SLC33A1: variants seen among roughly 807,000 people sequenced by gnomAD.
SLC33A1 encodes acetyl-coenzyme A transporter 1.
SLC33A1 carries 20 observed loss-of-function variants against 50.0 expected under a neutral mutation model. The observed-to-expected ratio is 0.40, with a 90% CI of 0.28 to 0.58. SLC33A1 has a LOEUF of 0.58. SLC33A1 is among the 20% of genes least tolerant of loss of function. The pLI, the probability that SLC33A1 is intolerant of heterozygous loss-of-function variation, is 0.44. For missense variants in SLC33A1, 476 were observed against 657.0 expected (o/e 0.72, Z 3.01); for synonymous variants, 265 against 251.8 (o/e 1.05, Z -0.50).
At position 155,822,425 on chromosome 3, in the gene SLC33A1, T is replaced by C. The variant is rs1031317210; in HGVS notation, c.*5785A>G. The C allele has an allele frequency of 4.0e-5, 6 of 151,584 alleles. No individual in the cohort carries two copies. The highest frequency in any genetic ancestry group is 2.1e-4 in the South Asian group (1 of 4,800). 9.4% of individuals were successfully genotyped at this position (151,584 alleles called of 1,614,324 possible). A position where few individuals can be genotyped will look rare whatever the true frequency, so the allele number is the denominator to read the frequency against. On this transcript the variant is annotated 3_prime_UTR_variant, in exon 6 of 6. Coordinates refer to ENST00000643144, the MANE Select transcript of SLC33A1 (RefSeq NM_004733.4). The stretch of plus-strand genomic sequence containing the variant: ...ACATGGTGAAACCCCGTCTATACTA[T>C]ACAAAAAAATTAGCCAGGTGTGGTG...
chr3:155,830,113 C>T (rs527818622), intron 4 of SLC33A1, among the ~76,000 whole-genome samples: 1 of 151,820 alleles, frequency 6.6e-6, no homozygotes, highest in South Asian at 2.1e-4. Flanking sequence ...CCTGTAATTC[C>T]AGCACTTTGG....
chr3:155,853,985 T>C lies in SLC33A1; in HGVS notation c.13A>G (p.Ile5Val), dbSNP rs758010991. 6.5e-6 allele frequency: 10 copies of C among 1,545,026 alleles called. No homozygotes were observed. The African/African-American group carries it at 1.1e-4, about 17-fold the overall frequency. MSPT[I>V]SHKDSSRQRR... ...TGCCGGCTGCTGTCCTTGTGGGAGA[T>C]GGTGGGTGACATATCAGAGACGATG... Residue 5 changes from isoleucine (I) to valine (V), a missense_variant, in exon 1 of 6, where the codon ATC (isoleucine) becomes GTC (valine). Coordinates refer to ENST00000643144, the MANE Select transcript of SLC33A1 (RefSeq NM_004733.4).
At chr3:155,841,238 T>A (rs1752922388) in intron 2 of SLC33A1, among the ~76,000 whole-genome samples, 1 of 152,034 alleles carries the variant, frequency 6.6e-6, no homozygotes, top group African/African-American at 2.4e-5. Flanking sequence ...GATAGTTTTT[T>A]TATTTTTTGT....
At position 155,829,879 on chromosome 3, in the gene SLC33A1, A is replaced by C; in HGVS notation, c.1291T>G (p.Ser431Ala). 6.2e-7 allele frequency: 1 copy of C among 1,611,996 alleles called. No individual in the cohort carries two copies. Among genetic ancestry groups the C allele is most frequent in the Non-Finnish European group, 8.5e-7 (1 of 1,178,058 alleles). Residue 431 changes from serine (S) to alanine (A), a missense_variant, in exon 5 of 6, where the codon TCT (serine) becomes GCT (alanine). Coordinates refer to ENST00000643144, the MANE Select transcript of SLC33A1 (RefSeq NM_004733.4). ...ACCTTTGCATTGAAAGCCATTATAG[A>C]AACATACATGCTGTACACTGTAACC... ...HQVTVYSMYV[S>A]IMAFNAKVSD... is the part of the protein sequence containing the mutation.
intron 2 of SLC33A1, among the ~76,000 whole-genome samples, chr3:155,837,162 C>G (rs1158859816): frequency 2.0e-5 from 3 of 151,788 alleles, no homozygotes; most frequent in Non-Finnish European, 4.4e-5. Flanking sequence ...AGATCGAGAC[C>G]ATCCTGGCTA....
intron 4 of SLC33A1, among the ~76,000 whole-genome samples, chr3:155,831,184 C>T (rs890978273): frequency 3.3e-5 from 5 of 151,950 alleles, no homozygotes; most frequent in South Asian, 2.1e-4. Flanking sequence ...AAGCTGGGTG[C>T]GGTGGCTCAC....
chr3:155,826,591 T>A lies in SLC33A1; in HGVS notation c.*1619A>T, dbSNP rs10513483. ...TCTAATACATGATAATGGACAACCA[T>A]GTGACAAAGTACTGTAGTGTATGGT... On this transcript the variant is annotated 3_prime_UTR_variant, in exon 6 of 6. Transcript: ENST00000643144. The A allele has an allele frequency of 6.6e-6, 1 of 151,932 alleles. No individual in the cohort carries two copies. Among genetic ancestry groups the A allele is most frequent in the Non-Finnish European group, 1.5e-5 (1 of 67,984 alleles). The allele number at this position is 151,932 out of a possible 1,614,324, so 9.4% of individuals were successfully genotyped here. A position where few individuals can be genotyped will look rare whatever the true frequency, so the allele number is the denominator to read the frequency against.
intron 2 of SLC33A1, among the ~76,000 whole-genome samples, chr3:155,835,681 A>G (rs1752624627): frequency 6.6e-6 from 1 of 152,110 alleles, no homozygotes; most frequent in South Asian, 2.1e-4. Context: ...GGCTGCCAGA[A>G]ATTCATGCCC....
chr3:155,828,208 T>C lies in SLC33A1; in HGVS notation c.*2A>G, dbSNP rs781303054. The C allele has an allele frequency of 2.5e-6, 4 of 1,605,244 alleles. No individual in the cohort carries two copies. The highest frequency in any genetic ancestry group is 1.1e-5 in the South Asian group (1 of 90,912). On this transcript the variant is annotated 3_prime_UTR_variant, in exon 6 of 6. Transcript: ENST00000643144. The stretch of plus-strand genomic sequence containing the variant: ...TTGCTAGAATGTCCAGTAGCATATA[T>C]ATTAATTGTTCCTTTTGCATTTCCA...
chr3:155,849,836 AG>A (rs1474761688), intron 1 of SLC33A1, among the ~76,000 whole-genome samples: 1 of 150,278 alleles, frequency 6.7e-6, no homozygotes, highest in Non-Finnish European at 1.5e-5. Flanking sequence ...TGAGCCCTGG[AG>A]GGGGAAGTTG....
chr3:155,831,177 C>A (rs979573040), intron 4 of SLC33A1, among the ~76,000 whole-genome samples: 2 of 152,078 alleles, frequency 1.3e-5, no homozygotes, highest in Non-Finnish European at 2.9e-5. Flanking sequence ...GTTGAAGAAG[C>A]TGGGTGCGGT....
chr3:155,826,514 C>G lies in SLC33A1; in HGVS notation c.*1696G>C, dbSNP rs145156511. Reference sequence around the variant, plus strand: ...AAAAATTAAAAATCAAAACACATTTCATATGTAAGAGTTAAGTGGTTTTTT... The same window carrying G: ...AAAAATTAAAAATCAAAACACATTTGATATGTAAGAGTTAAGTGGTTTTTT... On this transcript the variant is annotated 3_prime_UTR_variant, in exon 6 of 6. Transcript: ENST00000643144. The G allele has an allele frequency of 3.3e-5, 5 of 151,918 alleles. No homozygotes were observed. 9.4% of individuals were successfully genotyped at this position (151,918 alleles called of 1,614,324 possible).
chr3:155,831,199 A>G (rs1752415703), intron 4 of SLC33A1, among the ~76,000 whole-genome samples: 1 of 151,980 alleles, frequency 6.6e-6, no homozygotes, highest in Non-Finnish European at 1.5e-5. Flanking sequence ...GCTCACACCT[A>G]TAATCCCAGC....
intron 1 of SLC33A1, among the ~76,000 whole-genome samples, chr3:155,845,699 T>C (rs1753141059): frequency 6.6e-6 from 1 of 152,200 alleles, no homozygotes; most frequent in African/African-American, 2.4e-5. Context: ...CCAATGTTGA[T>C]AGATGATAGC....
At chr3:155,849,454 G>A (rs1446987562) in intron 1 of SLC33A1, among the ~76,000 whole-genome samples, 1 of 152,024 alleles carries the variant, frequency 6.6e-6, no homozygotes, top group Non-Finnish European at 1.5e-5. Context: ...AAAGGAGAAT[G>A]AAACTATAGG....
rs1304207251 is a variant in SLC33A1, at chr3:155,827,196, T to G, written c.*1014A>C. On this transcript the variant is annotated 3_prime_UTR_variant, in exon 6 of 6. Transcript: ENST00000643144. ...ACATTTTTCCACTATTAGATTTAAT[T>G]TGTCAAAGGCACAAAATATCTTTGT... The G allele has an allele frequency of 1.3e-5, 2 of 152,212 alleles. No individual in the cohort carries two copies. Among genetic ancestry groups the G allele is most frequent in the East Asian group, 3.8e-4 (2 of 5,206 alleles). The allele number at this position is 152,212 out of a possible 1,614,324, so 9.4% of individuals were successfully genotyped here. A position where few individuals can be genotyped will look rare whatever the true frequency, so the allele number is the denominator to read the frequency against.
In SLC33A1 at chr3:155,853,382, A is replaced by G; in HGVS notation, c.616T>C (p.Ser206Pro). The change falls in exon 1 of 6, where the codon TCC becomes CCC. Residue 206 changes from serine to proline, a missense_variant. Coordinates refer to ENST00000643144, the MANE Select transcript of SLC33A1 (RefSeq NM_004733.4). The part of the protein sequence containing the change: ...AVDGWALTML[S>P]RENVGYASTC... Reference sequence around the variant, plus strand: ...GAAGCATAACCCACATTTTCCCTGGATAACATAGTTAACGCCCAACCATCG... The same window carrying G: ...GAAGCATAACCCACATTTTCCCTGGGTAACATAGTTAACGCCCAACCATCG... 6.2e-7 allele frequency: 1 copy of G among 1,614,128 alleles called. No individual in the cohort carries two copies.
chr3:155,828,229 T>C lies in SLC33A1; in HGVS notation c.1631A>G (p.Lys544Arg), dbSNP rs933398365. The C allele has an allele frequency of 6.2e-7, 1 of 1,613,160 alleles. No individual in the cohort carries two copies. ...TATATATTAATTGTTCCTTTTGCATTTCCACGAAGATGATCCTTCATCCTG... is the reference window on the plus strand; with the variant it reads ...TATATATTAATTGTTCCTTTTGCATCTCCACGAAGATGATCCTTCATCCTG... Reference protein sequence around the residue: ...KLQDEGSSSWKCKRNN With the variant: ...KLQDEGSSSWRCKRNN The change falls in exon 6 of 6, where the codon AAA becomes AGA. Residue 544 changes from lysine (K) to arginine (R), a missense_variant. By Grantham distance (26) the Lys-to-Arg change is conservative. Coordinates refer to ENST00000643144, the MANE Select transcript of SLC33A1 (RefSeq NM_004733.4).
intron 4 of SLC33A1, 42 bp downstream of exon 4, chr3:155,833,426 C>A (rs1417625453): frequency 1.1e-6 from 1 of 940,130 alleles, no homozygotes. Flanking sequence ...CCTTATTTTA[C>A]ACAGAACAGT....
Sources: gnomAD v4.1 joint callset for allele counts (sites outside exome capture counted in the v4.1 genomes callset) on GRCh38, gnomAD v4.1.1 for gene constraint, MANE v1.5 for transcripts, NCBI Gene and HGNC (gene_info 2026-07-23, HGNC 2026-07-21) for gene names.